Variants in PTPN12 observed in about 807,000 individuals in gnomAD.
The protein encoded by PTPN12 is protein tyrosine phosphatase non-receptor type 12.
PTPN12 carries 29 observed loss-of-function variants against 97.6 expected under a neutral mutation model. The observed-to-expected ratio is 0.30, with a 90% CI of 0.22 to 0.41. PTPN12 has a LOEUF of 0.41. PTPN12 is among the 10% of genes least tolerant of loss of function. The pLI, the probability that PTPN12 is intolerant of heterozygous loss-of-function variation, is 1.00. For missense variants in PTPN12, 819 were observed against 926.0 expected (o/e 0.88, Z 1.50); for synonymous variants, 327 against 300.4 (o/e 1.09, Z -0.91).
At chr7:77,599,871 C>G (rs1788138013) in intron 7 of PTPN12, among the ~76,000 whole-genome samples, 1 of 152,194 alleles carries the variant, frequency 6.6e-6, no homozygotes, top group South Asian at 2.1e-4. Context: ...CATTTGACAT[C>G]AGTACTCCTT....
chr7:77,602,915 T>C (rs1054158726), intron 8 of PTPN12, among the ~76,000 whole-genome samples: 2 of 152,236 alleles, frequency 1.3e-5, no homozygotes, highest in African/African-American at 4.8e-5. Flanking sequence ...TTAAGAGATT[T>C]ATTTTTTATT....
intron 17 of PTPN12, 22 bp from the exon 18 acceptor site, chr7:77,639,197 T>C (rs1475213509): frequency 6.3e-7 from 1 of 1,590,398 alleles, no homozygotes; most frequent in Admixed American, 1.7e-5. Context: ...ACTGACTAGT[T>C]ATTGTGGTGT....
At chr7:77,555,046 G>T (rs1807643012) in intron 1 of PTPN12, among the ~76,000 whole-genome samples, 1 of 151,986 alleles carries the variant, frequency 6.6e-6, no homozygotes, top group Non-Finnish European at 1.5e-5. Context: ...GGATAATTTT[G>T]CAAGGTTCAG....
chr7:77,605,945 CTTTTTTTTTTTTTT>C (rs10648385), intron 8 of PTPN12, among the ~76,000 whole-genome samples: 6 of 51,896 alleles, frequency 1.2e-4, no homozygotes, highest in African/African-American at 4.0e-4. Context: ...CAAGAGCCAT[CTTTTTTTTTTTTTT>C]TTTTTTTTTT....
intron 2 of PTPN12, among the ~76,000 whole-genome samples, chr7:77,578,308 C>G (rs2151327245): frequency 6.6e-6 from 1 of 152,286 alleles, no homozygotes; most frequent in African/African-American, 2.4e-5. Flanking sequence ...ATATTCTATT[C>G]TCATTTTCCA....
intron 8 of PTPN12, among the ~76,000 whole-genome samples, chr7:77,601,208 A>G (rs1788177451): frequency 6.6e-6 from 1 of 152,122 alleles, no homozygotes; most frequent in South Asian, 2.1e-4. Flanking sequence ...TGAGATTTTT[A>G]AAAACAGGAT....
At chr7:77,625,472 G>GCTCGCTCTCTCTCTCTCTCTCTCT in intron 12 of PTPN12, among the ~76,000 whole-genome samples, 1 of 33,526 alleles carries the variant, frequency 3.0e-5, no homozygotes, top group Non-Finnish European at 5.0e-5. Context: ...CAGGCTGCTC[G>GCTCGCTCTCTCTCTCTCTCTCTCT]CTCTCTCTCT....
At chr7:77,564,925 T>A (rs948139363) in intron 1 of PTPN12, among the ~76,000 whole-genome samples, 1 of 145,402 alleles carries the variant, frequency 6.9e-6, no homozygotes, top group South Asian at 2.1e-4. Context: ...GCCCAGCTAA[T>A]TTTTGTATTT....
chr7:77,623,369 G>A (rs1039677935), intron 12 of PTPN12, among the ~76,000 whole-genome samples: 2 of 152,180 alleles, frequency 1.3e-5, no homozygotes, highest in Admixed American at 6.6e-5. Flanking sequence ...TGTGAAAAAG[G>A]TACTGTTAAG....
rs1182727157 is a variant in PTPN12, at chr7:77,632,376, T to C, written c.2025T>C (p.Pro675=). 2 of 1,610,680 alleles carry C rather than the reference T, an allele frequency of 1.2e-6. No homozygotes were observed. The highest frequency in any genetic ancestry group is 4.5e-5 in the East Asian group (2 of 44,804). ...TTGATGTTAGTGAAGATTCACCTCC[T>C]CCCCTACCTGAAAGAACTCCTGAAT... ...KDVDVSEDSP[P]PLPERTPESF... is the part of the protein sequence containing the mutation. Residue 675 remains proline (P), a synonymous_variant, in exon 14 of 18, where the codon CCT becomes CCC. Coordinates refer to ENST00000248594, the MANE Select transcript of PTPN12 (RefSeq NM_002835.4).
intron 6 of PTPN12, among the ~76,000 whole-genome samples, chr7:77,596,939 G>A (rs781168196): frequency 6.6e-6 from 1 of 152,120 alleles, no homozygotes; most frequent in Non-Finnish European, 1.5e-5. Flanking sequence ...CATTCTGTGG[G>A]TTTGAAGAAA....
intron 1 of PTPN12, among the ~76,000 whole-genome samples, chr7:77,567,070 C>T (rs1033981521): frequency 6.6e-6 from 1 of 151,266 alleles, no homozygotes; most frequent in Non-Finnish European, 1.5e-5. Flanking sequence ...TCATCAGAGA[C>T]AATAGAATAG....
intron 3 of PTPN12, 53 bp downstream of exon 3, chr7:77,581,556 T>TA: frequency 8.5e-7 from 1 of 1,177,500 alleles, no homozygotes; most frequent in Non-Finnish European, 1.2e-6. Flanking sequence ...TCTTTCTACA[T>TA]ACTAGTTTTG....
At chr7:77,572,458 ACT>A (rs1388406854) in intron 2 of PTPN12, among the ~76,000 whole-genome samples, 1 of 151,868 alleles carries the variant, frequency 6.6e-6, no homozygotes, top group South Asian at 2.1e-4. Flanking sequence ...TTCCATGATA[ACT>A]CTTTTAAAAC....
intron 6 of PTPN12, chr7:77,592,505 A>G: frequency 2.8e-6 from 1 of 354,124 alleles, no homozygotes; most frequent in African/African-American, 2.1e-5. Flanking sequence ...ATATCAATTG[A>G]TAGTAGGTGT....
chr7:77,627,375 G>C lies in PTPN12; in HGVS notation c.1696G>C (p.Val566Leu), dbSNP rs547719565. ...TATCAACTATCAAACTAGGAAAACT[G>C]TGAGTTTAACACCAAGTCCTACAAC... ...SDINYQTRKT[V>L]SLTPSPTTQV... Residue 566 changes from valine (V) to leucine (L), a missense_variant, in exon 13 of 18, where the codon GTG becomes CTG. Transcript: ENST00000248594. The C allele has an allele frequency of 3.1e-6, 5 of 1,614,054 alleles. No homozygotes were observed. The Admixed American group carries it at 6.7e-5, about 22-fold the overall frequency.
chr7:77,606,706 C>A (rs1788384275), intron 8 of PTPN12, among the ~76,000 whole-genome samples: 1 of 152,236 alleles, frequency 6.6e-6, no homozygotes. Flanking sequence ...TTAAATGCTG[C>A]ACCATTCTGA....
At chr7:77,594,789 C>T (rs1375627393) in intron 6 of PTPN12, among the ~76,000 whole-genome samples, 2 of 152,202 alleles carry the variant, frequency 1.3e-5, no homozygotes, top group Non-Finnish European at 2.9e-5. Flanking sequence ...CAGGCCACCA[C>T]ACCCGGCCAA....
chr7:77,578,447 T>C (rs996765373), intron 2 of PTPN12, among the ~76,000 whole-genome samples: 5 of 152,320 alleles, frequency 3.3e-5, no homozygotes, highest in African/African-American at 1.2e-4. Flanking sequence ...ATTCTGTTTC[T>C]TAGAATACAG....
Sources: allele counts gnomAD v4.1 joint callset (sites outside exome capture counted in the v4.1 genomes callset), GRCh38; gene constraint gnomAD v4.1.1; transcripts MANE v1.5; gene names NCBI Gene and HGNC (gene_info 2026-07-23, HGNC 2026-07-21).